The following ENTHD1 variants were observed in gnomAD, a reference collection of about 807,000 sequenced individuals.
ENTHD1 encodes the protein ENTH domain containing 1, also known as ENTH domain-containing protein 1.
In ENTHD1, 23 loss-of-function variants were observed where a neutral mutation model predicts 39.1. The ratio of observed to expected loss-of-function variants is 0.59; its 90% CI spans 0.42 to 0.83. ENTHD1 has a LOEUF of 0.83. Ranked by LOEUF, ENTHD1 falls within the 40% of genes least tolerant of loss-of-function variation. The pLI is 0.00. For synonymous variants in ENTHD1, 230 were observed against 258.2 expected (o/e 0.89, Z 1.05); for missense variants, 624 against 705.4 (o/e 0.88, Z 1.31).
At chr22:39,832,236 A>C (rs1159489556) in intron 4 of ENTHD1, among the ~76,000 whole-genome samples, 1 of 152,154 alleles carries the variant, frequency 6.6e-6, no homozygotes, top group Non-Finnish European at 1.5e-5. Flanking sequence ...GCTTGCACCC[A>C]TGAGTTTGAG....
chr22:39,834,174 G>C (rs2065891603), intron 4 of ENTHD1, among the ~76,000 whole-genome samples: 1 of 151,998 alleles, frequency 6.6e-6, no homozygotes, highest in Non-Finnish European at 1.5e-5. Context: ...CTCTGTGAAA[G>C]ATATTGTTAA....
chr22:39,767,494 A>G (rs2065286212), intron 5 of ENTHD1, among the ~76,000 whole-genome samples: 1 of 151,990 alleles, frequency 6.6e-6, no homozygotes, highest in Admixed American at 6.6e-5. Context: ...AAACACCCAA[A>G]CGAATATATT....
At chr22:39,863,054 C>T (rs893618436) in intron 2 of ENTHD1, among the ~76,000 whole-genome samples, 5 of 152,334 alleles carry the variant, frequency 3.3e-5, no homozygotes, top group Middle Eastern at 3.4e-3. Context: ...CAGCAGCCCT[C>T]ACTAGACAAC....
chr22:39,777,926 G>A (rs779991859), intron 5 of ENTHD1, among the ~76,000 whole-genome samples: 3 of 152,202 alleles, frequency 2.0e-5, no homozygotes, highest in African/African-American at 7.2e-5. Context: ...CCTGGTCTCT[G>A]GTATGTGGAT....
intron 5 of ENTHD1, among the ~76,000 whole-genome samples, chr22:39,807,558 A>G (rs894820238): frequency 6.6e-6 from 1 of 151,296 alleles, no homozygotes; most frequent in Non-Finnish European, 1.5e-5. Flanking sequence ...ACTTCCTTCC[A>G]TTCTCCCAAC....
intron 5 of ENTHD1, among the ~76,000 whole-genome samples, chr22:39,794,914 C>T (rs187550076): frequency 7.9e-5 from 12 of 152,168 alleles, no homozygotes; most frequent in Admixed American, 7.9e-4. Flanking sequence ...CATATATGGC[C>T]TTTCTTATGT....
chr22:39,818,732 TTAAAAA>T (rs986082629), intron 5 of ENTHD1, among the ~76,000 whole-genome samples: 3 of 152,176 alleles, frequency 2.0e-5, no homozygotes, highest in Admixed American at 6.5e-5. Flanking sequence ...AATGAATGAC[TTAAAAA>T]TAGAAAAAGC....
At chr22:39,885,865 G>A (rs2066375171) in intron 2 of ENTHD1, among the ~76,000 whole-genome samples, 1 of 152,078 alleles carries the variant, frequency 6.6e-6, no homozygotes, top group Admixed American at 6.6e-5. Context: ...GGTGATGAAA[G>A]AATTTTACAA....
At chr22:39,890,099 AAAATAAAT>A (rs202065437) in intron 1 of ENTHD1, among the ~76,000 whole-genome samples, 30,349 of 139,418 alleles carry the variant, frequency 0.22, 3,637 homozygotes, top group South Asian at 0.35. Flanking sequence ...CTCTGTCTCA[AAAATAAAT>A]AAATAAATAA....
Position 39,801,807 on chromosome 22 carries a change from G to T in ENTHD1, c.832+19186C>A, listed in dbSNP as rs562440815. On this transcript the variant is annotated intron_variant, in intron 5 of 6. Coordinates refer to ENST00000325157, the MANE Select transcript of ENTHD1 (RefSeq NM_152512.4). Reference sequence around the variant, plus strand: ...TGACCTACATTCAAGGTTTGTTGTGGTTTTTTTTTTAATAGTAATGAAAGG... The same window carrying T: ...TGACCTACATTCAAGGTTTGTTGTGTTTTTTTTTTTAATAGTAATGAAAGG... Among the ~76,000 whole-genome samples, 22 of 148,774 alleles carry T rather than the reference G, an allele frequency of 1.5e-4. No homozygotes were observed. In the East Asian group the frequency reaches 2.9e-3, roughly 20 times the overall value.
At chr22:39,866,648 C>T (rs2066183917) in intron 2 of ENTHD1, among the ~76,000 whole-genome samples, 1 of 152,182 alleles carries the variant, frequency 6.6e-6, no homozygotes, top group African/African-American at 2.4e-5. Context: ...AACACCCTCT[C>T]CCGCTGTGCC....
At chr22:39,869,123 C>T (rs2066215543) in intron 2 of ENTHD1, among the ~76,000 whole-genome samples, 1 of 152,068 alleles carries the variant, frequency 6.6e-6, no homozygotes, top group Non-Finnish European at 1.5e-5. Flanking sequence ...GGTATATATC[C>T]AAAAGGAAAT....
intron 2 of ENTHD1, among the ~76,000 whole-genome samples, chr22:39,886,667 T>C (rs151311986): frequency 6.6e-6 from 1 of 152,344 alleles, no homozygotes; most frequent in East Asian, 1.9e-4. Flanking sequence ...CAAATTATAA[T>C]TCTACAGTAG....
chr22:39,823,725 T>C (rs1487163067), intron 4 of ENTHD1, among the ~76,000 whole-genome samples: 2 of 152,202 alleles, frequency 1.3e-5, no homozygotes, highest in South Asian at 2.1e-4. Context: ...TTTAGATTTA[T>C]TAAAAACTAC....
intron 5 of ENTHD1, among the ~76,000 whole-genome samples, chr22:39,797,925 T>C (rs989802188): frequency 6.6e-6 from 1 of 152,090 alleles, no homozygotes; most frequent in Non-Finnish European, 1.5e-5. Context: ...CCTTTTGGGG[T>C]TGTATCTATT....
chr22:39,801,757 G>A (rs1388298335), intron 5 of ENTHD1, among the ~76,000 whole-genome samples: 3 of 152,034 alleles, frequency 2.0e-5, no homozygotes, highest in African/African-American at 7.2e-5. Flanking sequence ...CAGAATTTTA[G>A]TAAGGGACTG....
intron 6 of ENTHD1, chr22:39,751,105 C>T (rs1372438183): frequency 6.5e-6 from 1 of 153,546 alleles, no homozygotes; most frequent in Non-Finnish European, 1.5e-5. Context: ...GTCTCATGCA[C>T]TTAAGCAGAA....
At chr22:39,865,956 T>A (rs911788705) in intron 2 of ENTHD1, among the ~76,000 whole-genome samples, 3 of 152,252 alleles carry the variant, frequency 2.0e-5, no homozygotes, top group African/African-American at 7.2e-5. Context: ...TGGCTTCTTT[T>A]ATCTGGATGG....
intron 5 of ENTHD1, 92 bp downstream of exon 5, chr22:39,820,901 C>T: frequency 7.2e-7 from 1 of 1,393,892 alleles, no homozygotes; most frequent in Non-Finnish European, 1.0e-6. Flanking sequence ...TAGTTCTGTC[C>T]CTCATTAACA....
Sources: gnomAD v4.1 joint callset for allele counts (sites outside exome capture counted in the v4.1 genomes callset) on GRCh38, gnomAD v4.1.1 for gene constraint, MANE v1.5 for transcripts, NCBI Gene and HGNC (gene_info 2026-07-23, HGNC 2026-07-21) for gene names.